The following ZFP14 variants were observed in gnomAD, a reference collection of about 807,000 sequenced individuals.
The protein encoded by ZFP14 is ZFP14 zinc finger protein.
In ZFP14, 22 loss-of-function variants were observed where a neutral mutation model predicts 54.5. The ratio of observed to expected loss-of-function variants is 0.40; its 90% confidence interval spans 0.29 to 0.58. The LOEUF is 0.58. ZFP14 is among the 20% of genes least tolerant of loss of function. ZFP14 has a pLI of 0.39. For missense variants in ZFP14, 470 were observed against 637.8 expected, an observed-to-expected ratio of 0.74 and a Z score of 2.83; for synonymous variants, 159 against 204.0, an observed-to-expected ratio of 0.78 and a Z score of 1.88.
At chr19:36,368,531 G>C (rs182853648) in intron 1 of ZFP14, among the ~76,000 whole-genome samples, 150 of 152,240 alleles carry the variant, frequency 9.9e-4, no homozygotes, top group African/African-American at 3.4e-3. Flanking sequence ...AGCTACTTCT[G>C]CAAGAGGATT....
intron 1 of ZFP14, among the ~76,000 whole-genome samples, chr19:36,375,733 A>G (rs2031951438): frequency 6.6e-6 from 1 of 151,518 alleles, no homozygotes; most frequent in South Asian, 2.1e-4. Flanking sequence ...AATTTTTTGT[A>G]TTTTTAGTAG....
chr19:36,361,030 G>A (rs1310310232), intron 3 of ZFP14, among the ~76,000 whole-genome samples: 1 of 152,100 alleles, frequency 6.6e-6, no homozygotes. Flanking sequence ...ATATGGTGAT[G>A]TTTATTAACA....
At chr19:36,367,841 A>G (rs1305131298) in intron 2 of ZFP14, 43 bp downstream of exon 2, 1 of 1,602,980 alleles carries the variant, frequency 6.2e-7, no homozygotes, top group Non-Finnish European at 8.5e-7. Flanking sequence ...CATGATACAG[A>G]AATTGACAGT....
chr19:36,352,846 CAGA>C (rs1174409266), intron 4 of ZFP14, among the ~76,000 whole-genome samples: 1 of 140,028 alleles, frequency 7.1e-6, no homozygotes, highest in Admixed American at 7.4e-5. Flanking sequence ...GAGGCTGAGG[CAGA>C]AGAATGGCGT....
intron 4 of ZFP14, among the ~76,000 whole-genome samples, chr19:36,359,841 G>T (rs1453078538): frequency 1.3e-5 from 2 of 152,036 alleles, no homozygotes; most frequent in Non-Finnish European, 2.9e-5. Context: ...TTTTAGTAGA[G>T]ACAGTGTTTT....
At chr19:36,377,547 A>AG (rs1393386595) in intron 1 of ZFP14, among the ~76,000 whole-genome samples, 1 of 14,122 alleles carries the variant, frequency 7.1e-5, no homozygotes, top group East Asian at 1.2e-3. Context: ...CCCTGTCTCT[A>AG]AAAAAAAAAA....
rs1442608914 is a variant in ZFP14 at position 36,334,655 on chromosome 19, A to G, written c.*5569T>C. The stretch of plus-strand genomic sequence containing the variant: ...ATATGAGCTGCAAAAAATTGCCCTG[A>G]CTTATGCCGCCCCCAACACAACCAC... On this transcript the variant is annotated 3_prime_UTR_variant, in exon 5 of 5. Coordinates refer to ENST00000270001, the MANE Select transcript of ZFP14 (RefSeq NM_020917.3). The G allele has an allele frequency of 1.3e-5, 2 of 152,302 alleles. No homozygotes were observed. The highest frequency in any genetic ancestry group is 2.1e-4 in the South Asian group (1 of 4,824). 9.4% of individuals were successfully genotyped at this position (152,302 alleles called of 1,614,324 possible).
At position 36,336,688 on chromosome 19, in the gene ZFP14, A is replaced by G. The variant is rs1288148281; in HGVS notation, c.*3536T>C. 6.6e-6 allele frequency: 1 copy of G among 152,264 alleles called. No homozygotes were observed. Among genetic ancestry groups the G allele is most frequent in the Non-Finnish European group, 1.5e-5 (1 of 68,050 alleles). 9.4% of individuals were successfully genotyped at this position (152,264 alleles called of 1,614,324 possible). ...TGAAGAAGATGAAGACTGTATCCACAAATAAGATTTCCTTACCACATTACA... is the reference window on the plus strand; with the variant it reads ...TGAAGAAGATGAAGACTGTATCCACGAATAAGATTTCCTTACCACATTACA... On this transcript the variant is annotated 3_prime_UTR_variant, in exon 5 of 5. Transcript: ENST00000270001.
At chr19:36,352,232 A>G (rs1478336723) in intron 4 of ZFP14, among the ~76,000 whole-genome samples, 1 of 143,210 alleles carries the variant, frequency 7.0e-6, no homozygotes, top group East Asian at 2.1e-4. Flanking sequence ...AACAAGATAT[A>G]AAGAAGCTAA....
rs1381589040 is a variant in ZFP14, at chr19:36,336,093, TATC to T, written c.*4128_*4130del. 2 of 152,056 alleles carry T rather than the reference TATC, an allele frequency of 1.3e-5. No individual in the cohort carries two copies. The highest frequency in any genetic ancestry group is 2.9e-5 in the Non-Finnish European group (2 of 68,012). 9.4% of individuals were successfully genotyped at this position (152,056 alleles called of 1,614,324 possible). ...ATATAATCTAGAGTTGTGTCTCTTT[TATC>T]ATCATTAATACTCTAAATGTATTAT... is the stretch of plus-strand genomic sequence containing the variant. On this transcript the variant is annotated 3_prime_UTR_variant, in exon 5 of 5. Coordinates refer to ENST00000270001, the MANE Select transcript of ZFP14 (RefSeq NM_020917.3).
chr19:36,344,378 TTCTGTTAGTTTAGTTAG>T (rs916842407), intron 4 of ZFP14, among the ~76,000 whole-genome samples: 9 of 152,222 alleles, frequency 5.9e-5, no homozygotes, highest in African/African-American at 2.2e-4. Flanking sequence ...TCTCATATTA[TTCTGTTAGTTTAGTTAG>T]TCTGTTAGTT....
intron 4 of ZFP14, among the ~76,000 whole-genome samples, chr19:36,356,635 C>A (rs971635810): frequency 5.3e-5 from 8 of 152,056 alleles, no homozygotes; most frequent in Non-Finnish European, 8.8e-5. Flanking sequence ...TAACCCGAAC[C>A]ATCCTCTACG....
At chr19:36,375,707 G>A (rs1460528107) in intron 1 of ZFP14, among the ~76,000 whole-genome samples, 4 of 151,794 alleles carry the variant, frequency 2.6e-5, no homozygotes, top group Non-Finnish European at 5.9e-5. Flanking sequence ...ACAGGTGCCC[G>A]CCACCATGCC....
At chr19:36,377,397 A>T (rs769303794) in intron 1 of ZFP14, among the ~76,000 whole-genome samples, 1 of 151,992 alleles carries the variant, frequency 6.6e-6, no homozygotes, top group Non-Finnish European at 1.5e-5. Context: ...AAAAAAATTT[A>T]AAAATTGCGC....
At chr19:36,367,764 A>G in intron 2 of ZFP14, 120 bp downstream of exon 2, 2 of 1,220,114 alleles carry the variant, frequency 1.6e-6, no homozygotes, top group Non-Finnish European at 1.1e-6. Flanking sequence ...GCGTCCAGCC[A>G]TGGAGCAGGT....
intron 4 of ZFP14, among the ~76,000 whole-genome samples, chr19:36,347,234 T>G (rs2031432794): frequency 6.6e-6 from 1 of 152,210 alleles, no homozygotes; most frequent in Non-Finnish European, 1.5e-5. Flanking sequence ...TTGACACATG[T>G]AAATAACTAA....
chr19:36,364,994 CTTTTTTTTTTTTT>C (rs398034482), intron 2 of ZFP14, among the ~76,000 whole-genome samples: 4 of 62,004 alleles, frequency 6.5e-5, no homozygotes, highest in East Asian at 5.2e-4. Context: ...TTTTCTTTTT[CTTTTTTTTTTTTT>C]TTTTTTTTTT....
intron 4 of ZFP14, among the ~76,000 whole-genome samples, chr19:36,357,416 A>G (rs1288420841): frequency 6.6e-6 from 1 of 152,166 alleles, no homozygotes; most frequent in Non-Finnish European, 1.5e-5. Flanking sequence ...AAGTTGGGAC[A>G]CTCATCACTG....
rs2031255630 is a variant in ZFP14 at position 36,338,887 on chromosome 19, GGTTA to G, written c.*1333_*1336del. On this transcript the variant is annotated 3_prime_UTR_variant, in exon 5 of 5. Coordinates refer to ENST00000270001, the MANE Select transcript of ZFP14 (RefSeq NM_020917.3). Reference sequence around the variant, plus strand: ...ACACAACAATATTAAATTCCTAGGTGGTTAATTTCTTTTAAGCCACATTTTTGAT... The same window carrying G: ...ACACAACAATATTAAATTCCTAGGTGATTTCTTTTAAGCCACATTTTTGAT... The G allele has an allele frequency of 6.6e-6, 1 of 152,114 alleles. No homozygotes were observed. Among genetic ancestry groups the G allele is most frequent in the African/African-American group, 2.4e-5 (1 of 41,420 alleles). The allele number at this position is 152,114 out of a possible 1,614,324, so 9.4% of individuals were successfully genotyped here. A position where few individuals can be genotyped will look rare whatever the true frequency, so the allele number is the denominator to read the frequency against.
Sources: allele counts gnomAD v4.1 joint callset (sites outside exome capture counted in the v4.1 genomes callset), GRCh38; gene constraint gnomAD v4.1.1; transcripts MANE v1.5; gene names NCBI Gene and HGNC (gene_info 2026-07-23, HGNC 2026-07-21).